NFIB: variants seen among roughly 807,000 people sequenced by gnomAD.
NFIB encodes the protein nuclear factor I B.
In NFIB, 11 loss-of-function variants were observed where a neutral mutation model predicts 61.5. The ratio of observed to expected loss-of-function variants is 0.18; its 90% CI spans 0.11 to 0.30. The LOEUF (loss-of-function observed/expected upper bound fraction) is 0.30, where lower values mean the gene tolerates loss of function less well. Among genes scored for constraint, NFIB ranks in the 10% least tolerant of loss-of-function variants. The pLI, the probability that NFIB is intolerant of heterozygous loss-of-function variation, is 1.00. For missense variants in NFIB, 471 were observed against 608.9 expected (o/e 0.77, Z 2.38); for synonymous variants, 260 against 216.5 (o/e 1.20, Z -1.76).
the NFIB span, among the ~76,000 whole-genome samples, chr9:14,432,862 G>C: frequency 6.6e-6 from 1 of 152,176 alleles, no homozygotes; most frequent in Non-Finnish European, 1.5e-5. Flanking sequence ...TCTTTTCTTG[G>C]AAAGGGAGAA....
chr9:14,304,093 T>A (rs540305867), intron 2 of NFIB, among the ~76,000 whole-genome samples: 1 of 152,358 alleles, frequency 6.6e-6, no homozygotes, highest in South Asian at 2.1e-4. Context: ...AAAAGTCTAA[T>A]GAACTATATA....
chr9:14,223,360 A>G (rs1290243781), intron 2 of NFIB, among the ~76,000 whole-genome samples: 1 of 152,202 alleles, frequency 6.6e-6, no homozygotes, highest in African/African-American at 2.4e-5. Flanking sequence ...TCCAGTTCAG[A>G]CTCATGATAC....
At chr9:14,444,943 A>G in the NFIB span, among the ~76,000 whole-genome samples, 1 of 152,108 alleles carries the variant, frequency 6.6e-6, no homozygotes, top group African/African-American at 2.4e-5. Context: ...ACATTCCTCA[A>G]TCATAGATTG....
intron 6 of NFIB, among the ~76,000 whole-genome samples, chr9:14,131,337 C>T (rs1034391631): frequency 3.3e-5 from 5 of 152,150 alleles, no homozygotes; most frequent in African/African-American, 1.2e-4. Flanking sequence ...AATTATCACA[C>T]GATTTTTCCT....
At chr9:14,454,017 C>G in the NFIB span, among the ~76,000 whole-genome samples, 3 of 151,816 alleles carry the variant, frequency 2.0e-5, no homozygotes, top group African/African-American at 7.3e-5. Context: ...GGCAATGAGC[C>G]GAGATCGCGC....
the NFIB span, among the ~76,000 whole-genome samples, chr9:14,465,443 C>T: frequency 2.0e-5 from 3 of 152,136 alleles, no homozygotes; most frequent in Admixed American, 6.5e-5. Flanking sequence ...AGGAAATCTG[C>T]TCTCTGAATT....
the NFIB span, among the ~76,000 whole-genome samples, chr9:14,404,490 A>T: frequency 6.6e-6 from 1 of 152,168 alleles, no homozygotes; most frequent in Non-Finnish European, 1.5e-5. Flanking sequence ...CTTTCCTACC[A>T]GCTTGCCATT....
chr9:14,460,252 G>A, the NFIB span, among the ~76,000 whole-genome samples: 3 of 151,892 alleles, frequency 2.0e-5, no homozygotes, highest in Non-Finnish European at 4.4e-5. Context: ...ATGATTCTCA[G>A]CAAACTATAG....
At chr9:14,268,746 AG>A (rs1353671073) in intron 2 of NFIB, among the ~76,000 whole-genome samples, 3 of 152,242 alleles carry the variant, frequency 2.0e-5, no homozygotes, top group African/African-American at 4.8e-5. Flanking sequence ...AGATTAGATT[AG>A]AAACTCCTTG....
At chr9:14,465,492 G>T in the NFIB span, among the ~76,000 whole-genome samples, 1 of 151,756 alleles carries the variant, frequency 6.6e-6, no homozygotes, top group Non-Finnish European at 1.5e-5. Flanking sequence ...ATAGAGAGAA[G>T]AAAATGGCTC....
At chr9:14,247,852 T>C (rs1029086886) in intron 2 of NFIB, among the ~76,000 whole-genome samples, 2 of 152,198 alleles carry the variant, frequency 1.3e-5, no homozygotes, top group East Asian at 1.9e-4. Context: ...GGTGTTCTTA[T>C]TATTTTTTAA....
At chr9:14,206,450 T>G (rs2049729473) in intron 2 of NFIB, among the ~76,000 whole-genome samples, 1 of 152,062 alleles carries the variant, frequency 6.6e-6, no homozygotes, top group African/African-American at 2.4e-5. Context: ...ATTACAGGTG[T>G]GAGCCAAGCA....
intron 2 of NFIB, among the ~76,000 whole-genome samples, chr9:14,260,215 C>G (rs1242790117): frequency 6.6e-6 from 1 of 152,146 alleles, no homozygotes; most frequent in Non-Finnish European, 1.5e-5. Context: ...TCAGTGAAAA[C>G]TGAAGCTCAC....
chr9:14,453,803 C>T, the NFIB span, among the ~76,000 whole-genome samples: 42 of 152,270 alleles, frequency 2.8e-4, 1 homozygote, highest in African/African-American at 1.0e-3. Flanking sequence ...ACAATATAGG[C>T]TGGGCACGGT....
At chr9:14,095,490 C>T (rs1248980902) in intron 10 of NFIB, among the ~76,000 whole-genome samples, 2 of 152,028 alleles carry the variant, frequency 1.3e-5, no homozygotes, top group Non-Finnish European at 2.9e-5. Context: ...CCTCTCTACC[C>T]TGGGCTTCTT....
chr9:14,492,539 G>A, the NFIB span, among the ~76,000 whole-genome samples: 1 of 152,032 alleles, frequency 6.6e-6, no homozygotes, highest in African/African-American at 2.4e-5. Context: ...AGGCAAAGGG[G>A]AAGCAGCACT....
chr9:14,379,250 G>A (rs1186380047), intron 1 of NFIB, among the ~76,000 whole-genome samples: 1 of 152,142 alleles, frequency 6.6e-6, no homozygotes, highest in East Asian at 1.9e-4. Context: ...AAACTCCTGA[G>A]GCCTTTTAGG....
chr9:14,090,328 A>C (rs950429929), intron 10 of NFIB, among the ~76,000 whole-genome samples: 3 of 152,144 alleles, frequency 2.0e-5, no homozygotes, highest in Admixed American at 2.0e-4. Context: ...CTGTTTTCAC[A>C]TATTTATCTT....
At chr9:14,188,820 T>C (rs2047647554) in intron 2 of NFIB, among the ~76,000 whole-genome samples, 1 of 152,290 alleles carries the variant, frequency 6.6e-6, no homozygotes, top group East Asian at 1.9e-4. Context: ...TTTTTTCCCC[T>C]TGGAAACCAA....
Sources: gnomAD v4.1 joint callset for allele counts (sites outside exome capture counted in the v4.1 genomes callset) on GRCh38, gnomAD v4.1.1 for gene constraint, MANE v1.5 for transcripts, NCBI Gene and HGNC (gene_info 2026-07-23, HGNC 2026-07-21) for gene names.